Variants in CETP observed in about 807,000 individuals in gnomAD.
CETP encodes the protein cholesteryl ester transfer protein.
In CETP, 56 loss-of-function variants were observed where a neutral mutation model predicts 66.5. The ratio of observed to expected loss-of-function variants is 0.84; its 90% CI spans 0.68 to 1.05. The LOEUF (loss-of-function observed/expected upper bound fraction) is 1.05, where lower values mean the gene tolerates loss of function less well. Ranked by LOEUF, CETP falls within the 50% of genes least tolerant of loss-of-function variation. CETP has a pLI of 0.00. For missense variants in CETP, 612 were observed against 609.6 expected (o/e 1.00, Z -0.04); for synonymous variants, 251 against 245.7 (o/e 1.02, Z -0.20).
At position 56,969,673 on chromosome 16, in the gene CETP, C is replaced by T; in HGVS notation, c.431C>T (p.Thr144Ile). 1.2e-6 allele frequency: 2 copies of T among 1,614,074 alleles called. No homozygotes were observed. The highest frequency in any genetic ancestry group is 2.2e-5 in the South Asian group (2 of 91,088). The change falls in exon 4 of 16, where the codon ACA becomes ATA. Residue 144 changes from threonine (T) to isoleucine (I), a missense_variant. Physicochemically the swap from Thr to Ile is moderately conservative, Grantham distance 89. Transcript: ENST00000200676. The stretch of plus-strand genomic sequence containing the variant: ...TCTGCCATTGACCTCCAGATCAACA[C>T]ACAGCTGAGTATGTGTCAAGCGTCC... Reference protein sequence around the residue: ...IDSAIDLQINTQLTCDSGRVR... With the variant: ...IDSAIDLQINIQLTCDSGRVR...
chr16:56,970,012 C>T lies in CETP; in HGVS notation c.527+11C>T, dbSNP rs2056098507. ...CCAAGGGGAGCGAGAGTAAGTACAC[C>T]ACCCTGTGGCCCCCATTCCTGCTCG... On this transcript the variant is annotated intron_variant, in intron 5 of 15. Transcript: ENST00000200676. 1.2e-6 allele frequency: 2 copies of T among 1,611,332 alleles called. No homozygotes were observed. Among genetic ancestry groups the T allele is most frequent in the African/African-American group, 2.7e-5 (2 of 74,932 alleles).
intron 10 of CETP, among the ~76,000 whole-genome samples, chr16:56,976,776 C>T (rs2056153019): frequency 6.6e-6 from 1 of 152,162 alleles, no homozygotes; most frequent in Non-Finnish European, 1.5e-5. Flanking sequence ...GTCGTGTTTT[C>T]CATCTCTTTT....
In CETP at chr16:56,969,692, A is replaced by C. The variant is rs200855412; in HGVS notation, c.439+11A>C. ...TCAACACACAGCTGAGTATGTGTCA[A>C]GCGTCCTCTGGGGAAGTGGGAGCTG... is the stretch of plus-strand genomic sequence containing the variant. On this transcript the variant is annotated intron_variant, in intron 4 of 15. Transcript: ENST00000200676. The C allele has an allele frequency of 7.9e-4, 1,280 of 1,613,582 alleles. 14 individuals are homozygous for C. The South Asian group carries it at 0.013, about 17-fold the overall frequency.
rs142117489 is a variant in CETP at position 56,962,063 on chromosome 16, C to A, written c.84C>A (p.Ile28=). The A allele has an allele frequency of 1.2e-6, 2 of 1,614,094 alleles. No homozygotes were observed. The highest frequency in any genetic ancestry group is 8.5e-7 in the Non-Finnish European group (1 of 1,179,990). ...AAGGCACCTCGCACGAGGCAGGCAT[C>A]GTGTGCCGCATCACCAAGCCTGCCC... is the stretch of plus-strand genomic sequence containing the variant. The part of the protein sequence containing the change: ...CSKGTSHEAG[I]VCRITKPALL... Residue 28 remains isoleucine, a synonymous_variant, in exon 1 of 16, where the codon ATC becomes ATA. Transcript: ENST00000200676.
chr16:56,963,497 G>T (rs767411450), intron 2 of CETP, among the ~76,000 whole-genome samples: 1 of 152,084 alleles, frequency 6.6e-6, no homozygotes, highest in Non-Finnish European at 1.5e-5. Context: ...GTACAGACAG[G>T]TCTTGCTATG....
intron 2 of CETP, among the ~76,000 whole-genome samples, chr16:56,963,837 T>C (rs2056044274): frequency 6.6e-6 from 1 of 151,696 alleles, no homozygotes; most frequent in Non-Finnish European, 1.5e-5. Flanking sequence ...TCCGCGTAAT[T>C]TTTGTATTTT....
intron 5 of CETP, 43 bp downstream of exon 5, chr16:56,970,044 T>A: frequency 6.3e-7 from 1 of 1,580,704 alleles, no homozygotes; most frequent in Non-Finnish European, 8.6e-7. Flanking sequence ...CTCGTGCCCA[T>A]CCTGTTAGTG....
intron 14 of CETP, 45 bp downstream of exon 14, chr16:56,982,282 G>A (rs1282606025): frequency 1.3e-6 from 2 of 1,583,584 alleles, no homozygotes; most frequent in Non-Finnish European, 1.7e-6. Context: ...GGCTGACAGA[G>A]CTTCCCATTT....
At chr16:56,976,712 A>G (rs2056152626) in intron 10 of CETP, among the ~76,000 whole-genome samples, 1 of 152,080 alleles carries the variant, frequency 6.6e-6, no homozygotes, top group African/African-American at 2.4e-5. Flanking sequence ...TGGAATTTCC[A>G]TGAGACACAC....
In CETP at chr16:56,981,183, C is replaced by T; in HGVS notation, c.1172C>T (p.Ser391Phe). Reference protein sequence around the residue: ...EEDIVTTVQASYSKKKLFLSL... With the variant: ...EEDIVTTVQAFYSKKKLFLSL... ...GATATCGTGACTACCGTCCAGGCCT[C>T]CTATTCTAAGAAAAAGCTCTTCTTA... is the stretch of plus-strand genomic sequence containing the variant. Residue 391 changes from serine to phenylalanine, a missense_variant, in exon 12 of 16, where the codon TCC (serine) becomes TTC (phenylalanine). Physicochemically the swap from Ser to Phe is radical, Grantham distance 155. Transcript: ENST00000200676. 1 of 1,613,846 alleles carries T rather than the reference C, an allele frequency of 6.2e-7. No homozygotes were observed. Among genetic ancestry groups the T allele is most frequent in the Non-Finnish European group, 8.5e-7 (1 of 1,179,712 alleles).
intron 4 of CETP, 60 bp from the exon 5 acceptor site, chr16:56,969,854 G>A: frequency 6.3e-7 from 1 of 1,580,732 alleles, no homozygotes; most frequent in Non-Finnish European, 8.7e-7. Flanking sequence ...GGCCTGGGCA[G>A]CATGTGGATA....
chr16:56,974,966 CAT>C, intron 9 of CETP, 133 bp from the exon 10 acceptor site: 1 of 765,752 alleles, frequency 1.3e-6, no homozygotes, highest in Non-Finnish European at 2.3e-6. Context: ...GAGCATCTCA[CAT>C]GTTGTCTGGG....
At chr16:56,967,654 CA>C (rs766914734) in intron 2 of CETP, among the ~76,000 whole-genome samples, 3,835 of 61,780 alleles carry the variant, frequency 0.062, 132 homozygotes, top group African/African-American at 0.17. Flanking sequence ...GACTCAGTCT[CA>C]AAAAAAAAAA....
At chr16:56,974,198 T>C (rs1378379139) in intron 9 of CETP, among the ~76,000 whole-genome samples, 2 of 152,182 alleles carry the variant, frequency 1.3e-5, no homozygotes, top group Non-Finnish European at 2.9e-5. Flanking sequence ...CTGTCTCTCT[T>C]CTCTCAGAGA....
rs763584005 is a variant in CETP, at chr16:56,982,236, T to TCGTAAGTG, written c.1321_1321+7dup. On this transcript the variant is annotated frameshift_variant and splice_region_variant, in exon 14 of 16. Transcript: ENST00000200676. LOFTEE classifies it high-confidence loss of function. ...CTGTGGGCATCCCTGAGGTCATGTC[T>TCGTAAGTG]CGTAAGTGTGGGCTGGAGGGGAAAC... 8 of 1,613,906 alleles carry TCGTAAGTG rather than the reference T, an allele frequency of 5.0e-6. No individual in the cohort carries two copies.
At chr16:56,983,098 G>A (rs961065645) in intron 14 of CETP, among the ~76,000 whole-genome samples, 10 of 152,254 alleles carry the variant, frequency 6.6e-5, no homozygotes, top group Non-Finnish European at 1.2e-4. Flanking sequence ...GTTTGGGGCA[G>A]AAGGGAATTT....
chr16:56,969,368 A>G lies in CETP; in HGVS notation c.234-18A>G. 1.2e-6 allele frequency: 2 copies of G among 1,613,198 alleles called. No individual in the cohort carries two copies. Among genetic ancestry groups the G allele is most frequent in the Non-Finnish European group, 1.7e-6 (2 of 1,180,000 alleles). The stretch of plus-strand genomic sequence containing the variant: ...TGGATGACCCCCAACATCCTTCCTC[A>G]CTTCCATTCCTTCCCAGCATCCAGA... On this transcript the variant is annotated intron_variant, in intron 2 of 15. Coordinates refer to ENST00000200676, the MANE Select transcript of CETP (RefSeq NM_000078.3).
Position 56,971,468 on chromosome 16 carries a change from A to G in CETP, c.658+87A>G, listed in dbSNP as rs570619621. The G allele has an allele frequency of 6.9e-6, 8 of 1,160,638 alleles. No homozygotes were observed. In the African/African-American group the frequency reaches 1.0e-4, roughly 15 times the overall value. The allele number at this position is 1,160,638 out of a possible 1,614,324, so 71.9% of individuals were successfully genotyped here. ...TGCACTATGTGGCCTTGGGACTGTC[A>G]CTCTTCCTGTCTAGGTCCCATGGGC... On this transcript the variant is annotated intron_variant, in intron 7 of 15. Transcript: ENST00000200676.
chr16:56,979,186 C>T (rs1487797573), intron 11 of CETP, among the ~76,000 whole-genome samples: 1 of 152,158 alleles, frequency 6.6e-6, no homozygotes, highest in East Asian at 1.9e-4. Context: ...AGTCCACAAC[C>T]CTTTATTCAT....
Sources: gnomAD v4.1 joint callset for allele counts (sites outside exome capture counted in the v4.1 genomes callset) on GRCh38, gnomAD v4.1.1 for gene constraint, MANE v1.5 for transcripts, NCBI Gene and HGNC (gene_info 2026-07-23, HGNC 2026-07-21) for gene names.